Variants in PHLDB2 observed in about 807,000 individuals in gnomAD.
PHLDB2 encodes pleckstrin homology-like domain family B member 2.
In PHLDB2, 71 loss-of-function variants were observed where a neutral mutation model predicts 123.6. That is an observed-to-expected ratio of 0.57 (90% CI 0.47 to 0.70). The LOEUF is 0.70. PHLDB2 is among the 30% of genes least tolerant of loss of function. The pLI is 0.00. For synonymous variants in PHLDB2, 547 were observed against 541.6 expected, an observed-to-expected ratio of 1.01 and a Z score of -0.14; for missense variants, 1,446 against 1,519.5, an observed-to-expected ratio of 0.95 and a Z score of 0.80.
intron 12 of PHLDB2, 167 bp from the exon 13 acceptor site, chr3:111,961,941 A>C (rs2071434517): frequency 1.5e-6 from 1 of 655,940 alleles, no homozygotes; most frequent in Admixed American, 3.2e-5. Context: ...TGTTGCTTGC[A>C]CTGAGCACGG....
chr3:111,908,570 T>C (rs2067691049), intron 2 of PHLDB2, among the ~76,000 whole-genome samples: 1 of 152,196 alleles, frequency 6.6e-6, no homozygotes, highest in African/African-American at 2.4e-5. Context: ...TGATGAATTA[T>C]GCCCTGGCTG....
At position 111,925,370 on chromosome 3, in the gene PHLDB2, TA is replaced by T. The variant is rs2068755825; in HGVS notation, c.2001+4952del. On this transcript the variant is annotated intron_variant, in intron 5 of 17. Transcript: ENST00000431670. ...TCCTGCACTGGCCTTTTATTACCCT[TA>T]GGGGTACCACTGTTACGAACATCAA... 2.0e-5 allele frequency among the ~76,000 whole-genome samples: 3 copies of T among 152,308 alleles called. No homozygotes were observed. In the South Asian group the frequency reaches 6.2e-4, roughly 32 times the overall value.
chr3:111,861,399 A>T (rs1036352234), intron 1 of PHLDB2, among the ~76,000 whole-genome samples: 5 of 152,252 alleles, frequency 3.3e-5, no homozygotes, highest in African/African-American at 9.6e-5. Context: ...CAAACCATTT[A>T]TAACTGGCAA....
intron 9 of PHLDB2, among the ~76,000 whole-genome samples, chr3:111,946,080 G>GGAGT: frequency 6.6e-6 from 1 of 151,830 alleles, no homozygotes; most frequent in Non-Finnish European, 1.5e-5. Flanking sequence ...TGCCCAGGCT[G>GGAGT]GCATGATCTC....
At chr3:111,847,697 C>T (rs1173910403) in intron 2 of PHLDB2, among the ~76,000 whole-genome samples, 1 of 152,064 alleles carries the variant, frequency 6.6e-6, no homozygotes, top group Non-Finnish European at 1.5e-5. Context: ...TACTGCACAC[C>T]CAATGTCCCT....
rs775385076 is a variant in PHLDB2, at chr3:111,969,781, G to A, written c.3407G>A (p.Cys1136Tyr). 2 of 1,614,006 alleles carry A rather than the reference G, an allele frequency of 1.2e-6. No individual in the cohort carries two copies. The highest frequency in any genetic ancestry group is 2.2e-5 in the South Asian group (2 of 91,086). The change falls in exon 16 of 18, where the codon TGT (cysteine) becomes TAT (tyrosine). Residue 1136 changes from cysteine (C) to tyrosine (Y), a missense_variant. Transcript: ENST00000431670. ...ACTGCTGGCCACAATATTGACACCT[G>A]TTACCATGTATCAATCACAGAGAAG... ...VETAGHNIDT[C>Y]YHVSITEKTC...
At chr3:111,872,979 C>G (rs544422528) in intron 1 of PHLDB2, among the ~76,000 whole-genome samples, 50 of 152,210 alleles carry the variant, frequency 3.3e-4, no homozygotes, top group African/African-American at 1.1e-3. Context: ...TAAACAGGAC[C>G]AATAAGCTTG....
intron 1 of PHLDB2, among the ~76,000 whole-genome samples, chr3:111,860,360 C>T (rs576258652): frequency 2.6e-4 from 39 of 152,332 alleles, no homozygotes; most frequent in Admixed American, 7.2e-4. Flanking sequence ...CTTTGACCCC[C>T]CACTGAAAGT....
intron 1 of PHLDB2, among the ~76,000 whole-genome samples, chr3:111,838,211 G>A (rs1455978253): frequency 1.3e-5 from 2 of 152,128 alleles, no homozygotes; most frequent in African/African-American, 4.8e-5. Flanking sequence ...ATGTTGCCCA[G>A]GCTTGTCGCA....
intron 1 of PHLDB2, among the ~76,000 whole-genome samples, chr3:111,770,828 G>A (rs1016139712): frequency 3.3e-5 from 5 of 152,200 alleles, no homozygotes; most frequent in Admixed American, 1.3e-4. Flanking sequence ...AGGGAGACAA[G>A]AATAAAAATC....
chr3:111,829,657 T>C (rs1217991643), intron 1 of PHLDB2, among the ~76,000 whole-genome samples: 1 of 151,868 alleles, frequency 6.6e-6, no homozygotes, highest in African/African-American at 2.4e-5. Flanking sequence ...AGAGACGGGG[T>C]TTCACCATGT....
At position 111,791,814 on chromosome 3, in the gene PHLDB2, T is replaced by C. The variant is rs544932369; in HGVS notation, c.-48-54007T>C. On this transcript the variant is annotated intron_variant, in intron 1 of 17. Transcript: ENST00000393923. The stretch of plus-strand genomic sequence containing the variant: ...TTGCTTCAAAGATTTGTCATTTCTT[T>C]GTGTTGGGAACATTTGAAATCTTCT... Among the ~76,000 whole-genome samples the C allele has an allele frequency of 2.6e-5, 4 of 152,364 alleles. No homozygotes were observed. In the South Asian group the frequency reaches 6.2e-4, roughly 24 times the overall value.
At position 111,940,523 on chromosome 3, in the gene PHLDB2, C is replaced by CT; in HGVS notation, c.2287-8dup. 1 of 1,534,824 alleles carries CT rather than the reference C, an allele frequency of 6.5e-7. No homozygotes were observed. The highest frequency in any genetic ancestry group is 9.0e-7 in the Non-Finnish European group (1 of 1,115,770). ...AATGTACATCTTCCTATGATCATCT[C>CT]TTTTCCTCCAGGAAAAAATTTCTGC... On this transcript the variant is annotated splice_polypyrimidine_tract_variant and intron_variant, in intron 7 of 17. Transcript: ENST00000431670.
intron 1 of PHLDB2, among the ~76,000 whole-genome samples, chr3:111,764,766 T>C (rs1308089068): frequency 2.6e-5 from 4 of 152,158 alleles, no homozygotes; most frequent in African/African-American, 9.7e-5. Flanking sequence ...GAGAACACAA[T>C]AGGATGGTTG....
chr3:111,810,650 T>G (rs1463892029), intron 1 of PHLDB2, among the ~76,000 whole-genome samples: 1 of 152,132 alleles, frequency 6.6e-6, no homozygotes, highest in African/African-American at 2.4e-5. Flanking sequence ...ATATTGAGGG[T>G]TAGGGCTTCA....
upstream of PHLDB2, among the ~76,000 whole-genome samples, chr3:111,855,420 CCTTT>C (rs749008860): frequency 1.1e-3 from 158 of 140,544 alleles, 1 homozygote; most frequent in Middle Eastern, 0.014. Flanking sequence ...TTCCTTCCTT[CCTTT>C]CTTTCTTTCT....
rs35962012 is a variant in PHLDB2, at chr3:111,751,168, G to GGTGTGTGTGT, written c.-49+18495_-49+18504dup. On this transcript the variant is annotated intron_variant, in intron 1 of 17. Coordinates refer to the PHLDB2 transcript ENST00000393923. Reference sequence around the variant, plus strand: ...GAAAAAAGCAGAAAGGAGACAATGGGGTGTGTGTGTGTGTGTGTGTGTGTG... The same window carrying GGTGTGTGTGT: ...GAAAAAAGCAGAAAGGAGACAATGGGGTGTGTGTGTGTGTGTGTGTGTGTGTGTGTGTGTG... Among the ~76,000 whole-genome samples the GGTGTGTGTGT allele has an allele frequency of 3.1e-3, 440 of 144,114 alleles. 2 individuals are homozygous for GGTGTGTGTGT. Among genetic ancestry groups the GGTGTGTGTGT allele is most frequent in the African/African-American group, 0.01 (391 of 38,984 alleles). The allele number at this position is 144,114 out of a possible 152,430, so 94.5% of individuals were successfully genotyped here.
chr3:111,803,482 C>G lies in PHLDB2; in HGVS notation c.-48-42339C>G, dbSNP rs75559278. 8.5e-3 allele frequency among the ~76,000 whole-genome samples: 1,301 copies of G among 152,238 alleles called. 22 individuals are homozygous for G. The highest frequency in any genetic ancestry group is 0.03 in the African/African-American group (1,233 of 41,520). ...ATCTTAGTGACAGCCCCACCCCCAC[C>G]ACTAGTCTTCCCAGAATTCGAGCTG... On this transcript the variant is annotated intron_variant, in intron 1 of 17. Transcript: ENST00000393923.
intron 1 of PHLDB2, among the ~76,000 whole-genome samples, chr3:111,824,664 G>A (rs76341263): frequency 0.029 from 4,446 of 152,300 alleles, 87 homozygotes; most frequent in Non-Finnish European, 0.038. Context: ...CCTGTGTTCA[G>A]CAGAACCTAG....
Sources: gnomAD v4.1 joint callset for allele counts (sites outside exome capture counted in the v4.1 genomes callset) on GRCh38, gnomAD v4.1.1 for gene constraint, MANE v1.5 for transcripts, NCBI Gene and HGNC (gene_info 2026-07-23, HGNC 2026-07-21) for gene names.